RALGAPB: variants seen among roughly 807,000 people sequenced by gnomAD.
The protein encoded by RALGAPB is ral GTPase-activating protein subunit beta.
Under a neutral mutation model 161.1 loss-of-function variants are expected in RALGAPB, and 25 were observed. The ratio of observed to expected loss-of-function variants is 0.16; its 90% CI spans 0.11 to 0.22. The LOEUF is 0.22. RALGAPB is among the 10% of genes least tolerant of loss of function. RALGAPB has a pLI of 1.00. For synonymous variants in RALGAPB, 629 were observed against 626.1 expected, an observed-to-expected ratio of 1.00 and a Z score of -0.07; for missense variants, 1,391 against 1,815.2, an observed-to-expected ratio of 0.77 and a Z score of 4.25.
chr20:38,541,678 G>A (rs2086972164), intron 18 of RALGAPB, among the ~76,000 whole-genome samples: 1 of 152,176 alleles, frequency 6.6e-6, no homozygotes, highest in African/African-American at 2.4e-5. Context: ...TCACCACTAC[G>A]TCTACCATCT....
rs746809837 is a variant in RALGAPB, at chr20:38,517,596, C to T, written c.1142C>T (p.Pro381Leu). The T allele has an allele frequency of 1.2e-6, 2 of 1,613,830 alleles. No homozygotes were observed. The highest frequency in any genetic ancestry group is 1.3e-5 in the African/African-American group (1 of 74,846). Residue 381 changes from proline to leucine, a missense_variant, in exon 8 of 30, where the codon CCA (proline) becomes CTA (leucine). Pro to Leu is a moderately conservative substitution (Grantham distance 98). Transcript: ENST00000262879. Reference protein sequence around the residue: ...PQSAAVSTTPPHNRRHRAVTV... With the variant: ...PQSAAVSTTPLHNRRHRAVTV... ...AGTGCTGCTGTCAGTACCACCCCCC[C>T]ACATAACCGGAGGCACCGGGCTGTT... is the stretch of plus-strand genomic sequence containing the variant.
intron 13 of RALGAPB, among the ~76,000 whole-genome samples, chr20:38,528,737 G>A (rs766404040): frequency 3.9e-5 from 6 of 151,928 alleles, no homozygotes; most frequent in Admixed American, 6.6e-5. Context: ...CTAGAGGGCA[G>A]TGGCATGATC....
At chr20:38,529,646 G>T (rs1490323928) in intron 13 of RALGAPB, among the ~76,000 whole-genome samples, 2 of 151,708 alleles carry the variant, frequency 1.3e-5, no homozygotes, top group East Asian at 3.9e-4. Flanking sequence ...GCCTGGCCAA[G>T]ATGGTGAAAC....
chr20:38,484,177 C>CAA (rs1246550154), intron 1 of RALGAPB, among the ~76,000 whole-genome samples: 1 of 151,462 alleles, frequency 6.6e-6, no homozygotes, highest in Non-Finnish European at 1.5e-5. Context: ...GACTCCATCT[C>CAA]AAAAAAAAGA....
rs2145558990 is a variant in RALGAPB at position 38,575,538 on chromosome 20, A to G, written c.*571A>G. ...GTTTTTTGCTCAGATAAGAAGCCTG[A>G]CATTAAAAGATGTCATATTTTTTTC... On this transcript the variant is annotated 3_prime_UTR_variant, in exon 30 of 30. Coordinates refer to ENST00000262879, the MANE Select transcript of RALGAPB (RefSeq NM_020336.4). The G allele has an allele frequency of 6.5e-6, 1 of 153,992 alleles. No homozygotes were observed. The highest frequency in any genetic ancestry group is 2.4e-5 in the African/African-American group (1 of 41,574). 9.5% of individuals were successfully genotyped at this position (153,992 alleles called of 1,614,324 possible).
Position 38,575,323 on chromosome 20 carries a change from A to G in RALGAPB, c.*356A>G, listed in dbSNP as rs768336960. 49 of 186,886 alleles carry G rather than the reference A, an allele frequency of 2.6e-4. No individual in the cohort carries two copies. Among genetic ancestry groups the G allele is most frequent in the South Asian group, 2.3e-3 (20 of 8,712 alleles). 11.6% of individuals were successfully genotyped at this position (186,886 alleles called of 1,614,324 possible). On this transcript the variant is annotated 3_prime_UTR_variant, in exon 30 of 30. Transcript: ENST00000262879. ...AGTATCAACAAATTTGCAATATAGA[A>G]GTTGAAGATAGTTTTTTACCTCACT...
At chr20:38,550,965 T>A (rs747159440) in intron 20 of RALGAPB, 106 bp from the exon 21 acceptor site, 1 of 1,340,144 alleles carries the variant, frequency 7.5e-7, no homozygotes, top group Admixed American at 2.1e-5. Flanking sequence ...TTTTGTGACA[T>A]GTAATCCTAG....
rs113666694 is a variant in RALGAPB, at chr20:38,576,811, G to A, written c.*1844G>A. 1 of 152,622 alleles carries A rather than the reference G, an allele frequency of 6.6e-6. No homozygotes were observed. Among genetic ancestry groups the A allele is most frequent in the East Asian group, 1.9e-4 (1 of 5,202 alleles). The allele number at this position is 152,622 out of a possible 1,614,324, so 9.5% of individuals were successfully genotyped here. On this transcript the variant is annotated 3_prime_UTR_variant, in exon 30 of 30. Coordinates refer to ENST00000262879, the MANE Select transcript of RALGAPB (RefSeq NM_020336.4). ...GTTCTAGTTGAAGTGAGCAGAGAAG[G>A]CTATAAATTAATATGTAACTTACAG...
intron 2 of RALGAPB, among the ~76,000 whole-genome samples, chr20:38,490,562 A>G (rs990036735): frequency 1.3e-5 from 2 of 150,930 alleles, no homozygotes; most frequent in Non-Finnish European, 2.9e-5. Context: ...GCTGGAGTGC[A>G]ATGTCGCAAT....
intron 13 of RALGAPB, among the ~76,000 whole-genome samples, chr20:38,526,611 C>G (rs1308603487): frequency 2.6e-5 from 4 of 152,186 alleles, no homozygotes; most frequent in African/African-American, 9.7e-5. Flanking sequence ...GAGAGCTTCC[C>G]TAACAATACT....
chr20:38,516,541 G>A (rs768830490), intron 7 of RALGAPB, 171 bp downstream of exon 7: 10 of 660,084 alleles, frequency 1.5e-5, no homozygotes, highest in East Asian at 6.1e-5. Context: ...GAGGGTTATC[G>A]TTTCTATGTA....
At chr20:38,490,583 C>T (rs1218342010) in intron 2 of RALGAPB, among the ~76,000 whole-genome samples, 5 of 150,476 alleles carry the variant, frequency 3.3e-5, no homozygotes, top group Non-Finnish European at 5.9e-5. Context: ...CTTAGCTCAC[C>T]GCAACCTCTG....
In RALGAPB at chr20:38,524,955, C is replaced by A; in HGVS notation, c.1787+10C>A. 6.3e-7 allele frequency: 1 copy of A among 1,593,282 alleles called. No individual in the cohort carries two copies. Among genetic ancestry groups the A allele is most frequent in the Non-Finnish European group, 8.6e-7 (1 of 1,161,206 alleles). On this transcript the variant is annotated intron_variant, in intron 11 of 29. Coordinates refer to ENST00000262879, the MANE Select transcript of RALGAPB (RefSeq NM_020336.4). Reference sequence around the variant, plus strand: ...CCATTTTGCCTGACAGGTAAGCTATCATTCTCTGCTATTATATCAACTGTC... The same window carrying A: ...CCATTTTGCCTGACAGGTAAGCTATAATTCTCTGCTATTATATCAACTGTC...
intron 23 of RALGAPB, among the ~76,000 whole-genome samples, chr20:38,559,089 G>A (rs1292405238): frequency 6.6e-6 from 1 of 152,166 alleles, no homozygotes; most frequent in Admixed American, 6.5e-5. Flanking sequence ...TGACCCTTAA[G>A]GAATGTGATT....
chr20:38,495,628 T>A (rs2085407281), intron 3 of RALGAPB, among the ~76,000 whole-genome samples: 1 of 152,216 alleles, frequency 6.6e-6, no homozygotes. Context: ...TTTGACCCAT[T>A]GGCCAGCATT....
At position 38,577,041 on chromosome 20, in the gene RALGAPB, G is replaced by A. The variant is rs2088464316; in HGVS notation, c.*2074G>A. Reference sequence around the variant, plus strand: ...ATGTATTTGATACATGAACAATCATGTTGAATGCATTTGTGATCTGGGAGA... The same window carrying A: ...ATGTATTTGATACATGAACAATCATATTGAATGCATTTGTGATCTGGGAGA... On this transcript the variant is annotated 3_prime_UTR_variant, in exon 30 of 30. Transcript: ENST00000262879. 1 of 152,404 alleles carries A rather than the reference G, an allele frequency of 6.6e-6. No individual in the cohort carries two copies. The highest frequency in any genetic ancestry group is 1.5e-5 in the Non-Finnish European group (1 of 68,036). The allele number at this position is 152,404 out of a possible 1,614,324, so 9.4% of individuals were successfully genotyped here.
In RALGAPB at chr20:38,497,441, C is replaced by G. The variant is rs140381278; in HGVS notation, c.478C>G (p.Arg160Gly). Residue 160 changes from arginine to glycine, a missense_variant, in exon 4 of 30, where the codon CGA (arginine) becomes GGA (glycine). Arg to Gly is a moderately radical substitution (Grantham distance 125). Around this residue, in one of 3 missense-constraint regions of RALGAPB, gnomAD observed 946 missense variants for 1,257.2 expected, o/e 0.75. Coordinates refer to ENST00000262879, the MANE Select transcript of RALGAPB (RefSeq NM_020336.4). Reference protein sequence around the residue: ...KLARESSLMARETWEVLLLFL... With the variant: ...KLARESSLMAGETWEVLLLFL... ...GGCCCGTGAGTCATCTCTCATGGCC[C>G]GAGAAACTTGGGAAGTCTTACTGTT... is the stretch of plus-strand genomic sequence containing the variant. The G allele has an allele frequency of 1.2e-6, 2 of 1,613,892 alleles. No homozygotes were observed. The highest frequency in any genetic ancestry group is 1.7e-6 in the Non-Finnish European group (2 of 1,179,968).
At chr20:38,488,989 G>A (rs1321834848) in intron 2 of RALGAPB, among the ~76,000 whole-genome samples, 2 of 152,126 alleles carry the variant, frequency 1.3e-5, no homozygotes, top group South Asian at 2.1e-4. Context: ...TGTTTGGAAG[G>A]CCTCATCCCT....
chr20:38,550,568 A>T (rs1037727634), intron 20 of RALGAPB, among the ~76,000 whole-genome samples: 1 of 152,204 alleles, frequency 6.6e-6, no homozygotes, highest in Non-Finnish European at 1.5e-5. Context: ...AGGGTTCACC[A>T]TGTACCCATA....
Sources: allele counts gnomAD v4.1 joint callset (sites outside exome capture counted in the v4.1 genomes callset), GRCh38; gene constraint gnomAD v4.1.1; regional missense constraint gnomAD v4.1.1; transcripts MANE v1.5; gene names NCBI Gene and HGNC (gene_info 2026-07-23, HGNC 2026-07-21).